CAMSAP2: variants seen among roughly 807,000 people sequenced by gnomAD.
The protein encoded by CAMSAP2 is calmodulin regulated spectrin associated protein family member 2.
Under a neutral mutation model 146.1 loss-of-function variants are expected in CAMSAP2, and 26 were observed. The observed-to-expected ratio is 0.18, with a 90% confidence interval of 0.13 to 0.25. CAMSAP2 has a LOEUF of 0.25. Ranked by LOEUF, CAMSAP2 falls within the 10% of genes least tolerant of loss-of-function variation. The pLI, the probability that CAMSAP2 is intolerant of heterozygous loss-of-function variation, is 1.00. For synonymous variants in CAMSAP2, 499 were observed against 596.6 expected (o/e 0.84, Z 2.38); for missense variants, 1,381 against 1,759.3 (o/e 0.78, Z 3.85).
At chr1:200,852,480 TTGAAAA>T in intron 11 of CAMSAP2, 55 bp from the exon 12 acceptor site, 2 of 1,564,326 alleles carry the variant, frequency 1.3e-6, no homozygotes, top group Non-Finnish European at 1.7e-6. Context: ...ACTACAACAA[TTGAAAA>T]TGAGAATATT....
intron 2 of CAMSAP2, among the ~76,000 whole-genome samples, chr1:200,776,750 C>A (rs928499837): frequency 3.3e-5 from 5 of 151,716 alleles, no homozygotes; most frequent in Non-Finnish European, 7.4e-5. Context: ...ACAACAACAA[C>A]AAAAAACCCA....
At chr1:200,755,892 G>A (rs566704014) in intron 1 of CAMSAP2, among the ~76,000 whole-genome samples, 1 of 152,234 alleles carries the variant, frequency 6.6e-6, no homozygotes, top group Admixed American at 6.5e-5. Flanking sequence ...TGTTTGAGGA[G>A]GTTACATTTA....
chr1:200,806,714 G>A (rs1294856529), intron 2 of CAMSAP2, among the ~76,000 whole-genome samples: 1 of 151,692 alleles, frequency 6.6e-6, no homozygotes, highest in Non-Finnish European at 1.5e-5. Flanking sequence ...ATATACTACT[G>A]TAATGTTTTT....
rs148282307 is a variant in CAMSAP2 at position 200,745,194 on chromosome 1, A to G, written c.139+5228A>G. Among the ~76,000 whole-genome samples the G allele has an allele frequency of 6.8e-4, 104 of 152,172 alleles. 2 individuals carry two copies. The East Asian group carries it at 0.019, about 27-fold the overall frequency. ...TGTTGGGGGCTGTCCTGTGCATTCTAGGATTTTAGCGGCATCTGTGGCCTC... is the reference window on the plus strand; with the variant it reads ...TGTTGGGGGCTGTCCTGTGCATTCTGGGATTTTAGCGGCATCTGTGGCCTC... On this transcript the variant is annotated intron_variant, in intron 1 of 16. Coordinates refer to ENST00000358823, the MANE Select transcript of CAMSAP2 (RefSeq NM_203459.4).
chr1:200,836,679 A>G lies in CAMSAP2; in HGVS notation c.927+3834A>G, dbSNP rs193116480. Among the ~76,000 whole-genome samples, 837 of 152,264 alleles carry G rather than the reference A, an allele frequency of 5.5e-3. 7 individuals are homozygous for G. Among genetic ancestry groups the G allele is most frequent in the African/African-American group, 0.019 (792 of 41,542 alleles). On this transcript the variant is annotated intron_variant, in intron 6 of 16. Coordinates refer to ENST00000358823, the MANE Select transcript of CAMSAP2 (RefSeq NM_203459.4). Reference sequence around the variant, plus strand: ...GAGGAATTACCACACTGTTTTCCACATTGGTTGAACTAGTTTACACTCCTA... The same window carrying G: ...GAGGAATTACCACACTGTTTTCCACGTTGGTTGAACTAGTTTACACTCCTA...
In CAMSAP2 at chr1:200,848,771, G is replaced by C. The variant is rs377105031; in HGVS notation, c.2002G>C (p.Val668Leu). The C allele has an allele frequency of 4.3e-6, 7 of 1,614,038 alleles. No homozygotes were observed. The African/African-American group carries it at 9.3e-5, about 22-fold the overall frequency. ...REALSPCPST[V>L]STKSQPGSSA... ...AGCTTTGAGTCCTTGTCCAAGTACT[G>C]TAAGTACCAAGTCTCAGCCAGGCAG... Residue 668 changes from valine to leucine, a missense_variant, in exon 11 of 17, where the codon GTA (valine) becomes CTA (leucine). Around this residue, in one of 4 missense-constraint regions of CAMSAP2, gnomAD observed 447 missense variants for 462.2 expected, o/e 0.97. Transcript: ENST00000358823.
intron 4 of CAMSAP2, among the ~76,000 whole-genome samples, chr1:200,817,339 AAC>A (rs1666631170): frequency 6.7e-6 from 1 of 148,286 alleles, no homozygotes; most frequent in Non-Finnish European, 1.5e-5. Flanking sequence ...AAGAAACATT[AAC>A]ATGGATTTAT....
intron 3 of CAMSAP2, among the ~76,000 whole-genome samples, chr1:200,811,223 C>T (rs1405058744): frequency 6.6e-6 from 1 of 152,168 alleles, no homozygotes; most frequent in Non-Finnish European, 1.5e-5. Context: ...GAACAACAAA[C>T]TCTGTCTCCC....
intron 2 of CAMSAP2, among the ~76,000 whole-genome samples, chr1:200,801,304 C>A (rs1233139963): frequency 6.7e-6 from 1 of 150,330 alleles, no homozygotes; most frequent in Admixed American, 6.6e-5. Context: ...TTGGCCCCCA[C>A]TCTCTTCTGG....
At chr1:200,785,386 T>C (rs1221641915) in intron 2 of CAMSAP2, among the ~76,000 whole-genome samples, 1 of 148,134 alleles carries the variant, frequency 6.8e-6, no homozygotes, top group Non-Finnish European at 1.5e-5. Flanking sequence ...TTCTTTTTTT[T>C]TCTTTTGTTT....
At chr1:200,822,147 C>T (rs1308462155) in intron 4 of CAMSAP2, among the ~76,000 whole-genome samples, 1 of 148,686 alleles carries the variant, frequency 6.7e-6, no homozygotes, top group African/African-American at 2.5e-5. Context: ...TCTACACACA[C>T]ACACACACAC....
intron 4 of CAMSAP2, among the ~76,000 whole-genome samples, chr1:200,831,409 AGAT>A (rs1667039993): frequency 6.6e-6 from 1 of 152,218 alleles, no homozygotes; most frequent in Admixed American, 6.5e-5. Context: ...AACTTGTCCA[AGAT>A]CACAAAACTA....
At chr1:200,752,754 C>T (rs1019508545) in intron 1 of CAMSAP2, among the ~76,000 whole-genome samples, 2 of 151,912 alleles carry the variant, frequency 1.3e-5, no homozygotes, top group African/African-American at 4.8e-5. Context: ...GTAGCTGGGA[C>T]TACAGGTGCC....
intron 4 of CAMSAP2, among the ~76,000 whole-genome samples, chr1:200,819,327 A>G (rs539683288): frequency 7.9e-5 from 12 of 152,284 alleles, no homozygotes; most frequent in African/African-American, 2.9e-4. Context: ...TTGATTGTAA[A>G]TTAGGGTGCC....
At chr1:200,838,784 A>G (rs1339362741) in intron 6 of CAMSAP2, among the ~76,000 whole-genome samples, 1 of 152,210 alleles carries the variant, frequency 6.6e-6, no homozygotes, top group Non-Finnish European at 1.5e-5. Context: ...AGAAAAAGCT[A>G]TTGTGTTCCA....
At chr1:200,811,188 A>C (rs1666320388) in intron 3 of CAMSAP2, among the ~76,000 whole-genome samples, 1 of 152,190 alleles carries the variant, frequency 6.6e-6, no homozygotes, top group African/African-American at 2.4e-5. Flanking sequence ...GTGTTTACCA[A>C]GCCCTCCTCT....
chr1:200,773,313 G>T (rs1370576001), intron 2 of CAMSAP2, among the ~76,000 whole-genome samples: 1 of 152,088 alleles, frequency 6.6e-6, no homozygotes, highest in Non-Finnish European at 1.5e-5. Context: ...GAGTGCAGTG[G>T]TGTGATCTCG....
intron 2 of CAMSAP2, among the ~76,000 whole-genome samples, chr1:200,783,966 C>G (rs1049881087): frequency 1.7e-4 from 26 of 151,780 alleles, no homozygotes; most frequent in Admixed American, 1.6e-3. Flanking sequence ...ACAGTTTTAG[C>G]TTTTTCATTT....
At position 200,807,459 on chromosome 1, in the gene CAMSAP2, T is replaced by C; in HGVS notation, c.483T>C (p.Ala161=). The change falls in exon 3 of 17, where the codon GCT becomes GCC. Residue 161 remains alanine, a synonymous_variant. Transcript: ENST00000358823. ...MVSIEKVIAC[A]QQYSAFFQAT... ...GTATAGAAAAAGTAATTGCGTGTGC[T>C]CAGCAGTATTCAGCTTTTTTTCAAG... The C allele has an allele frequency of 6.2e-7, 1 of 1,613,526 alleles. No homozygotes were observed. The highest frequency in any genetic ancestry group is 1.3e-5 in the African/African-American group (1 of 75,044).
Sources: gnomAD v4.1 joint callset for allele counts (sites outside exome capture counted in the v4.1 genomes callset) on GRCh38, gnomAD v4.1.1 for gene constraint, gnomAD v4.1.1 regional missense constraint, MANE v1.5 for transcripts, NCBI Gene and HGNC (gene_info 2026-07-23, HGNC 2026-07-21) for gene names.